Variants in MTF1 observed in about 807,000 individuals in gnomAD.
The protein encoded by MTF1 is metal regulatory transcription factor 1, also known as MRE-binding transcription factor.
Under a neutral mutation model 70.4 loss-of-function variants are expected in MTF1, and 22 were observed. The observed-to-expected ratio is 0.31, with a 90% CI of 0.22 to 0.45. The LOEUF is 0.45. Among genes scored for constraint, MTF1 ranks in the 20% least tolerant of loss-of-function variants. The pLI is 1.00. For missense variants in MTF1, 649 were observed against 922.0 expected (o/e 0.70, Z 3.83); for synonymous variants, 333 against 352.8 (o/e 0.94, Z 0.63).
At chr1:37,829,557 C>A (rs751843778) in intron 7 of MTF1, among the ~76,000 whole-genome samples, 1 of 151,804 alleles carries the variant, frequency 6.6e-6, no homozygotes, top group Non-Finnish European at 1.5e-5. Context: ...CCGAGACGGG[C>A]GGATCACGAG....
At chr1:37,854,108 A>G (rs1318023430) in intron 2 of MTF1, among the ~76,000 whole-genome samples, 4 of 152,206 alleles carry the variant, frequency 2.6e-5, no homozygotes, top group African/African-American at 7.2e-5. Context: ...CCCGGGTTCA[A>G]GCAATTCCCC....
At chr1:37,822,906 A>G (rs1194333766) in intron 8 of MTF1, among the ~76,000 whole-genome samples, 190 bp from the exon 9 acceptor site, 2 of 152,074 alleles carry the variant, frequency 1.3e-5, no homozygotes, top group Non-Finnish European at 2.9e-5. Context: ...TTCACCATCA[A>G]CCTCACTTCC....
intron 2 of MTF1, among the ~76,000 whole-genome samples, chr1:37,853,498 C>T (rs1357253188): frequency 6.6e-6 from 1 of 152,216 alleles, no homozygotes; most frequent in Admixed American, 6.5e-5. Flanking sequence ...GTAGCTCCAA[C>T]AGAGACCTTA....
chr1:37,837,508 T>TA (rs377268940), intron 4 of MTF1, among the ~76,000 whole-genome samples: 2 of 152,140 alleles, frequency 1.3e-5, no homozygotes, highest in Non-Finnish European at 2.9e-5. Context: ...ATTTTTTTTT[T>TA]ATTTTTATTT....
intron 1 of MTF1, among the ~76,000 whole-genome samples, 158 bp from the exon 2 acceptor site, chr1:37,857,867 C>G (rs904731038): frequency 9.2e-5 from 14 of 151,928 alleles, no homozygotes; most frequent in African/African-American, 3.1e-4. Flanking sequence ...TTAAAACCAT[C>G]AAGTCATTTT....
chr1:37,825,211 T>A (rs920134194), intron 7 of MTF1, among the ~76,000 whole-genome samples: 1 of 152,156 alleles, frequency 6.6e-6, no homozygotes, highest in African/African-American at 2.4e-5. Context: ...GGCCAGGGAT[T>A]ACCAGAACTC....
chr1:37,815,027 C>A lies in MTF1; in HGVS notation c.*109G>T. On this transcript the variant is annotated 3_prime_UTR_variant, in exon 11 of 11. Coordinates refer to ENST00000373036, the MANE Select transcript of MTF1 (RefSeq NM_005955.3). This position sits in a 1 kb window ranked among gnomAD's most constrained non-coding sequence, Gnocchi z 4.5. ...AAATACGTCTGAAAGGTGAGGATTT[C>A]AAACAGTAGATTTCTTCATCCTTCA... 1.1e-6 allele frequency: 1 copy of A among 872,964 alleles called. No individual in the cohort carries two copies. Among genetic ancestry groups the A allele is most frequent in the Non-Finnish European group, 1.8e-6 (1 of 566,792 alleles). The allele number at this position is 872,964 out of a possible 1,614,324, so 54.1% of individuals were successfully genotyped here. A position where few individuals can be genotyped will look rare whatever the true frequency, so the allele number is the denominator to read the frequency against.
chr1:37,832,118 T>C, intron 7 of MTF1, 127 bp downstream of exon 7: 1 of 608,862 alleles, frequency 1.6e-6, no homozygotes, highest in South Asian at 2.2e-5. Flanking sequence ...AAATCCTACA[T>C]GGTCAGTAAT....
intron 2 of MTF1, among the ~76,000 whole-genome samples, chr1:37,843,939 G>A (rs1174580532): frequency 7.6e-6 from 1 of 131,756 alleles, no homozygotes; most frequent in African/African-American, 2.8e-5. Flanking sequence ...GCTCTCACCT[G>A]TTCATTGTGT....
At chr1:37,838,813 T>TTTTTTTTTTTTTTTTTTTTTTTC (rs1368762769) in intron 3 of MTF1, 57 bp from the exon 4 acceptor site, 1 of 1,245,484 alleles carries the variant, frequency 8.0e-7, no homozygotes, top group African/African-American at 1.5e-5. Flanking sequence ...TTTTTTTTTT[T>TTTTTTTTTTTTTTTTTTTTTTTC]TTTTTTCTGA....
At chr1:37,829,639 G>A (rs1028365771) in intron 7 of MTF1, among the ~76,000 whole-genome samples, 12 of 152,070 alleles carry the variant, frequency 7.9e-5, no homozygotes, top group African/African-American at 2.2e-4. Flanking sequence ...ACAAAAATTA[G>A]CCAGGCATGG....
intron 2 of MTF1, among the ~76,000 whole-genome samples, chr1:37,845,676 TG>T: frequency 6.6e-6 from 1 of 152,260 alleles, no homozygotes; most frequent in South Asian, 2.1e-4. Flanking sequence ...GGCTAATTTT[TG>T]TATTTTTTGT....
At chr1:37,822,983 G>A (rs1640941750) in intron 8 of MTF1, among the ~76,000 whole-genome samples, 1 of 152,188 alleles carries the variant, frequency 6.6e-6, no homozygotes, top group South Asian at 2.1e-4. Flanking sequence ...CTGGAAAAGA[G>A]ACTAAACATC....
chr1:37,849,554 T>C (rs1477439198), intron 2 of MTF1, among the ~76,000 whole-genome samples: 6 of 152,222 alleles, frequency 3.9e-5, no homozygotes, highest in Non-Finnish European at 8.8e-5. Flanking sequence ...CTAGGGTTTT[T>C]TCATGCTCCT....
At chr1:37,855,302 T>C (rs1413945861) in intron 2 of MTF1, among the ~76,000 whole-genome samples, 1 of 152,172 alleles carries the variant, frequency 6.6e-6, no homozygotes, top group Non-Finnish European at 1.5e-5. Context: ...AGGCAGGTTT[T>C]GGTTCTATAC....
intron 7 of MTF1, 75 bp downstream of exon 7, chr1:37,832,170 C>T: frequency 3.2e-6 from 3 of 952,302 alleles, no homozygotes; most frequent in Admixed American, 2.0e-5. Flanking sequence ...ACTGGCCTGC[C>T]TCAATTTTCC....
intron 1 of MTF1, 88 bp from the exon 2 acceptor site, chr1:37,857,797 T>G: frequency 2.7e-6 from 2 of 740,972 alleles, no homozygotes; most frequent in Non-Finnish European, 4.3e-6. Flanking sequence ...CCCTCTCACT[T>G]AAAGAGCAAG....
intron 2 of MTF1, among the ~76,000 whole-genome samples, chr1:37,841,964 G>A (rs946647161): frequency 6.6e-6 from 1 of 151,902 alleles, no homozygotes; most frequent in Admixed American, 6.6e-5. Flanking sequence ...GAGCCCAGGA[G>A]TTCAAGGTTA....
In MTF1 at chr1:37,822,664, C is replaced by T. The variant is rs140764958; in HGVS notation, c.1224G>A (p.Pro408=). The T allele has an allele frequency of 9.1e-5, 147 of 1,613,452 alleles. 2 individuals are homozygous for T. The highest frequency in any genetic ancestry group is 6.0e-4 in the East Asian group (27 of 44,878). The stretch of plus-strand genomic sequence containing the variant: ...AAGATGCTGAATTTCCTGTGGATGG[C>T]GGAACATCACTGACTGACTCTGCAT... The part of the protein sequence containing the change: ...NGDAESVSDV[P]PSTGNSASLS... Residue 408 remains proline, a synonymous_variant, in exon 9 of 11, where the codon CCG becomes CCA. Coordinates refer to ENST00000373036, the MANE Select transcript of MTF1 (RefSeq NM_005955.3).
Sources: allele counts gnomAD v4.1 joint callset (sites outside exome capture counted in the v4.1 genomes callset), GRCh38; gene constraint gnomAD v4.1.1; non-coding constraint Gnocchi (gnomAD v3.1); transcripts MANE v1.5; gene names NCBI Gene and HGNC (gene_info 2026-07-23, HGNC 2026-07-21).